The following MYH11 variants were observed in gnomAD, a reference collection of about 807,000 sequenced individuals.
The protein encoded by MYH11 is myosin heavy chain 11.
A neutral mutation model predicts 246.6 loss-of-function variants in MYH11; 80 were observed. The observed-to-expected ratio is 0.32, with a 90% confidence interval of 0.27 to 0.39. MYH11 has a LOEUF of 0.39. Among genes scored for constraint, MYH11 ranks in the 10% least tolerant of loss-of-function variants. The probability of loss-of-function intolerance (pLI) is 1.00; values close to 1 mark genes in which losing one functional copy is unlikely to be tolerated. For missense variants in MYH11, 2,158 were observed against 2,546.8 expected (o/e 0.85, Z 3.29); for synonymous variants, 1,071 against 1,015.5 (o/e 1.05, Z -1.04).
chr16:15,706,030 C>T (rs189196232), intron 40 of MYH11, among the ~76,000 whole-genome samples: 1 of 145,590 alleles, frequency 6.9e-6, no homozygotes, highest in Non-Finnish European at 1.5e-5. Context: ...TTCATGATCA[C>T]TGAGAAGAGG....
chr16:15,782,724 C>T, intron 5 of MYH11: 1 of 495,554 alleles, frequency 2.0e-6, no homozygotes, highest in East Asian at 3.7e-5. Flanking sequence ...AGACCAGGGC[C>T]TGCTCATCTG....
intron 3 of MYH11, among the ~76,000 whole-genome samples, chr16:15,810,273 G>C (rs1309960988): frequency 1.3e-5 from 2 of 152,002 alleles, no homozygotes. Flanking sequence ...GACCTCAGAT[G>C]ATCTGCCTGC....
Position 15,704,088 on chromosome 16 carries a change from C to T in MYH11, c.5822G>A (p.Arg1941Lys). 1 of 1,614,092 alleles carries T rather than the reference C, an allele frequency of 6.2e-7. No individual in the cohort carries two copies. Among genetic ancestry groups the T allele is most frequent in the African/African-American group, 1.3e-5 (1 of 75,016 alleles). The change falls in exon 41 of 41, where the codon AGG becomes AAG. Residue 1941 changes from arginine (R) to lysine (K), a missense_variant. Coordinates refer to ENST00000300036, the MANE Select transcript of MYH11 (RefSeq NM_002474.3). ...GNETSFVPSRRSGGRRVIENA... is the reference protein window; with the variant it reads ...GNETSFVPSRKSGGRRVIENA... ...TTCAATAACTCTACGTCCTCCAGACCTTCTAGAAGGAACGAAAGAGGTCTC... is the reference window on the plus strand; with the variant it reads ...TTCAATAACTCTACGTCCTCCAGACTTTCTAGAAGGAACGAAAGAGGTCTC...
At chr16:15,737,641 T>C in intron 24 of MYH11, 21 bp from the exon 25 acceptor site, 2 of 1,609,086 alleles carry the variant, frequency 1.2e-6, no homozygotes, top group South Asian at 1.1e-5. Flanking sequence ...CAAGGTGCTC[T>C]TCAGGAAGGG....
rs141224320 is a variant in MYH11, at chr16:15,814,457, G to A, written c.502+8798C>T. Among the ~76,000 whole-genome samples, 1,026 of 148,154 alleles carry A rather than the reference G, an allele frequency of 6.9e-3. 4 individuals are homozygous for A. Among genetic ancestry groups the A allele is most frequent in the African/African-American group, 0.022 (896 of 40,214 alleles). On this transcript the variant is annotated intron_variant, in intron 3 of 40. Coordinates refer to ENST00000300036, the MANE Select transcript of MYH11 (RefSeq NM_002474.3). ...AATCCCAGCTACTTGGGAGGCTGAGGCAGGAGAATCACTTGAACCCGGGAG... is the reference window on the plus strand; with the variant it reads ...AATCCCAGCTACTTGGGAGGCTGAGACAGGAGAATCACTTGAACCCGGGAG...
In MYH11 at chr16:15,745,172, T is replaced by C; in HGVS notation, c.2477A>G (p.Tyr826Cys). 1 of 1,614,074 alleles carries C rather than the reference T, an allele frequency of 6.2e-7. No homozygotes were observed. The highest frequency in any genetic ancestry group is 8.5e-7 in the Non-Finnish European group (1 of 1,180,002). ...CCACTGCCAGTTCCGCAGCTTGAGG[T>C]AGGCGGCGCAGTTCCTCTGAATCAC... ...MKVIQRNCAA[Y>C]LKLRNWQWWR... The change falls in exon 20 of 41, where the codon TAC becomes TGC. Residue 826 changes from tyrosine (Y) to cysteine (C), a missense_variant. Tyr to Cys is a radical substitution (Grantham distance 194). This residue lies in a region of MYH11 where 90 missense variants were observed against 144.2 expected (regional missense o/e 0.62). Coordinates refer to ENST00000300036, the MANE Select transcript of MYH11 (RefSeq NM_002474.3).
intron 14 of MYH11, among the ~76,000 whole-genome samples, chr16:15,755,434 C>G (rs188308812): frequency 6.6e-4 from 101 of 152,274 alleles, no homozygotes; most frequent in Non-Finnish European, 7.4e-5. Context: ...TCACCCCATT[C>G]CAGTTGGCCC....
chr16:15,853,901 A>G (rs2044392959), intron 1 of MYH11, among the ~76,000 whole-genome samples: 1 of 152,048 alleles, frequency 6.6e-6, no homozygotes, highest in Non-Finnish European at 1.5e-5. Context: ...GTGGGCGCCT[A>G]TAAACCCAGC....
At position 15,720,848 on chromosome 16, in the gene MYH11, C is replaced by T; in HGVS notation, c.4782G>A (p.Leu1594=). Residue 1594 remains leucine, a synonymous_variant, in exon 33 of 41, where the codon CTG becomes CTA. Transcript: ENST00000300036. Reference sequence around the variant, plus strand: ...CCCCGGCAGCACGCACCTGTCTCTGCAGTTGCCTCCTCTTCTCCTCATTCT... The same window carrying T: ...CCCCGGCAGCACGCACCTGTCTCTGTAGTTGCCTCCTCTTCTCCTCATTCT... The part of the protein sequence containing the change: ...DEQNEEKRRQ[L]QRQLHEYETE... 1 of 1,613,654 alleles carries T rather than the reference C, an allele frequency of 6.2e-7. No homozygotes were observed. The highest frequency in any genetic ancestry group is 8.5e-7 in the Non-Finnish European group (1 of 1,180,028).
At position 15,823,429 on chromosome 16, in the gene MYH11, A is replaced by G. The variant is rs779960147; in HGVS notation, c.346-18T>C. The G allele has an allele frequency of 1.2e-6, 2 of 1,614,066 alleles. No individual in the cohort carries two copies. Among genetic ancestry groups the G allele is most frequent in the Non-Finnish European group, 1.7e-6 (2 of 1,180,038 alleles). On this transcript the variant is annotated intron_variant, in intron 2 of 40. Coordinates refer to ENST00000300036, the MANE Select transcript of MYH11 (RefSeq NM_002474.3). ...GAGTACGTCTGCAGACAGAGAACCC[A>G]GCTTACTTCCAGACCTCCTCCAGGG... is the stretch of plus-strand genomic sequence containing the variant.
At chr16:15,717,391 C>T (rs1285517551) in intron 37 of MYH11, 43 bp from the exon 38 acceptor site, 3 of 1,595,874 alleles carry the variant, frequency 1.9e-6, no homozygotes, top group Non-Finnish European at 2.6e-6. Context: ...TCAGGGAAGC[C>T]CAAGAGAGCG....
intron 6 of MYH11, among the ~76,000 whole-genome samples, chr16:15,780,137 G>A (rs1024084559): frequency 1.3e-5 from 2 of 152,166 alleles, no homozygotes; most frequent in Non-Finnish European, 2.9e-5. Context: ...TCTTGCACGT[G>A]CTTCCATTTA....
intron 40 of MYH11, among the ~76,000 whole-genome samples, chr16:15,707,142 G>A (rs71398888): frequency 6.6e-6 from 1 of 152,088 alleles, no homozygotes; most frequent in Non-Finnish European, 1.5e-5. Flanking sequence ...AGGTTCAAGC[G>A]ATTCTCCTGC....
chr16:15,742,755 T>G (rs1463849786), intron 20 of MYH11, among the ~76,000 whole-genome samples: 1 of 151,936 alleles, frequency 6.6e-6, no homozygotes, highest in Non-Finnish European at 1.5e-5. Flanking sequence ...TTTTAAAAAT[T>G]ATAAGATATG....
intron 27 of MYH11, among the ~76,000 whole-genome samples, chr16:15,729,383 G>T (rs2040893398): frequency 1.3e-5 from 2 of 152,114 alleles, no homozygotes; most frequent in Non-Finnish European, 2.9e-5. Context: ...CCTGCTTTGT[G>T]CGGGTCAGTA....
chr16:15,793,271 C>A (rs114258721), intron 4 of MYH11, among the ~76,000 whole-genome samples: 2 of 151,948 alleles, frequency 1.3e-5, no homozygotes, highest in Non-Finnish European at 2.9e-5. Context: ...TTTCAGTTTC[C>A]TTCCTTTCTT....
chr16:15,821,672 A>G (rs1236647151), intron 3 of MYH11, among the ~76,000 whole-genome samples: 1 of 149,398 alleles, frequency 6.7e-6, no homozygotes, highest in East Asian at 2.0e-4. Context: ...TAATCCCAGC[A>G]CTTTGGGAGG....
chr16:15,830,646 G>A (rs2043710080), intron 2 of MYH11, among the ~76,000 whole-genome samples: 1 of 152,154 alleles, frequency 6.6e-6, no homozygotes, highest in African/African-American at 2.4e-5. Context: ...GGGAGGCTGA[G>A]GTGGGTGGAT....
chr16:15,720,132 A>G lies in MYH11; in HGVS notation c.4953+19T>C. The G allele has an allele frequency of 1.2e-6, 2 of 1,614,012 alleles. No individual in the cohort carries two copies. The highest frequency in any genetic ancestry group is 1.7e-6 in the Non-Finnish European group (2 of 1,180,010). On this transcript the variant is annotated intron_variant, in intron 34 of 40. Transcript: ENST00000300036. Reference sequence around the variant, plus strand: ...GTGCCCTCCCTCCACCCATGCCCCAAGCTCCTAGTGTCACCCACCTGCAGT... The same window carrying G: ...GTGCCCTCCCTCCACCCATGCCCCAGGCTCCTAGTGTCACCCACCTGCAGT...
Sources: allele counts gnomAD v4.1 joint callset (sites outside exome capture counted in the v4.1 genomes callset), GRCh38; gene constraint gnomAD v4.1.1; regional missense constraint gnomAD v4.1.1; transcripts MANE v1.5; gene names NCBI Gene and HGNC (gene_info 2026-07-23, HGNC 2026-07-21).